The following SIK2 variants were observed in gnomAD, a reference collection of about 807,000 sequenced individuals.
The protein encoded by SIK2 is salt inducible kinase 2.
Under a neutral mutation model 103.2 loss-of-function variants are expected in SIK2, and 29 were observed. The observed-to-expected ratio is 0.28, with a 90% CI of 0.21 to 0.38. SIK2 has a LOEUF of 0.38. Ranked by LOEUF, SIK2 falls within the 10% of genes least tolerant of loss-of-function variation. The pLI, the probability that SIK2 is intolerant of heterozygous loss-of-function variation, is 1.00. For synonymous variants in SIK2, 412 were observed against 446.1 expected, an observed-to-expected ratio of 0.92 and a Z score of 0.96; for missense variants, 879 against 1,171.0, an observed-to-expected ratio of 0.75 and a Z score of 3.64.
intron 2 of SIK2, 27 bp downstream of exon 2, chr11:111,616,386 A>G (rs1346026291): frequency 2.5e-6 from 3 of 1,187,624 alleles, no homozygotes; most frequent in Non-Finnish European, 3.8e-6. Flanking sequence ...CACTATCTCC[A>G]TTCATTCCAC....
intron 3 of SIK2, among the ~76,000 whole-genome samples, chr11:111,675,069 A>G (rs993681749): frequency 6.6e-6 from 1 of 152,228 alleles, no homozygotes; most frequent in Non-Finnish European, 1.5e-5. Context: ...ATAATGTTAC[A>G]TAACAAACAG....
chr11:111,729,827 C>G lies in SIK2; in HGVS notation c.*5698C>G, dbSNP rs905951594. Reference sequence around the variant, plus strand: ...GTGCACTGAACCAGGCTGAGGGAGACAAAAACCCCGCAGACCCGCCTGCCT... The same window carrying G: ...GTGCACTGAACCAGGCTGAGGGAGAGAAAAACCCCGCAGACCCGCCTGCCT... On this transcript the variant is annotated 3_prime_UTR_variant, in exon 15 of 15. Transcript: ENST00000304987. 6.6e-6 allele frequency: 1 copy of G among 152,282 alleles called. No individual in the cohort carries two copies. The highest frequency in any genetic ancestry group is 2.4e-5 in the African/African-American group (1 of 41,474). 9.4% of individuals were successfully genotyped at this position (152,282 alleles called of 1,614,324 possible). A position where few individuals can be genotyped will look rare whatever the true frequency, so the allele number is the denominator to read the frequency against.
intron 9 of SIK2, among the ~76,000 whole-genome samples, chr11:111,714,601 A>G (rs551655291): frequency 5.9e-5 from 9 of 152,202 alleles, no homozygotes; most frequent in Non-Finnish European, 1.2e-4. Context: ...ATAGACTATT[A>G]AGGTCTAGGG....
intron 3 of SIK2, among the ~76,000 whole-genome samples, chr11:111,644,325 GAA>G (rs1942225828): frequency 6.8e-6 from 1 of 147,246 alleles, no homozygotes; most frequent in African/African-American, 2.5e-5. Flanking sequence ...AAAAAGAAAA[GAA>G]AGAGAAATCC....
At chr11:111,631,198 A>T (rs1292934712) in intron 3 of SIK2, among the ~76,000 whole-genome samples, 2 of 152,132 alleles carry the variant, frequency 1.3e-5, no homozygotes, top group Non-Finnish European at 2.9e-5. Context: ...TAGAAGGAAG[A>T]TGAGTTTGTT....
At chr11:111,672,022 G>A (rs576315493) in intron 3 of SIK2, 1 of 519,562 alleles carries the variant, frequency 1.9e-6, no homozygotes, top group South Asian at 1.4e-5. Flanking sequence ...GCTCCACTTG[G>A]TCTCAAGTGC....
At chr11:111,634,607 C>G (rs570565388) in intron 3 of SIK2, among the ~76,000 whole-genome samples, 1 of 152,190 alleles carries the variant, frequency 6.6e-6, no homozygotes, top group South Asian at 2.1e-4. Flanking sequence ...TGCCTCCAGA[C>G]TTGTCCCTCT....
chr11:111,622,884 G>A (rs1941911736), intron 3 of SIK2, among the ~76,000 whole-genome samples: 1 of 152,024 alleles, frequency 6.6e-6, no homozygotes, highest in Non-Finnish European at 1.5e-5. Flanking sequence ...CCTTTGTGTG[G>A]TTTTCTTCAT....
intron 3 of SIK2, among the ~76,000 whole-genome samples, chr11:111,639,459 T>A (rs1942153066): frequency 1.3e-5 from 2 of 152,218 alleles, no homozygotes. Flanking sequence ...AGCCAGGAGA[T>A]CATAAGCCTC....
chr11:111,717,189 G>A (rs1010824077), intron 9 of SIK2, among the ~76,000 whole-genome samples: 4 of 151,926 alleles, frequency 2.6e-5, no homozygotes, highest in East Asian at 3.9e-4. Context: ...GGTGATGGGC[G>A]CCTGTAGTCC....
intron 3 of SIK2, among the ~76,000 whole-genome samples, chr11:111,630,308 T>C (rs1463913339): frequency 6.6e-6 from 1 of 152,108 alleles, no homozygotes; most frequent in Non-Finnish European, 1.5e-5. Flanking sequence ...GAAAGTTGCC[T>C]CCAGGGAGAG....
At chr11:111,716,422 C>T (rs1943643083) in intron 9 of SIK2, among the ~76,000 whole-genome samples, 1 of 151,258 alleles carries the variant, frequency 6.6e-6, no homozygotes, top group Non-Finnish European at 1.5e-5. Flanking sequence ...ACTAAAAATA[C>T]AAAAATTAGC....
intron 3 of SIK2, among the ~76,000 whole-genome samples, chr11:111,642,753 T>C (rs1032310758): frequency 6.6e-6 from 1 of 150,868 alleles, no homozygotes; most frequent in Non-Finnish European, 1.5e-5. Context: ...TAGCAACCAG[T>C]GTCCATCCTG....
chr11:111,702,683 G>A (rs557676235), intron 6 of SIK2, among the ~76,000 whole-genome samples: 1 of 152,340 alleles, frequency 6.6e-6, no homozygotes, highest in South Asian at 2.1e-4. Flanking sequence ...TCAGCTCAGA[G>A]AATATGCTAG....
chr11:111,700,611 T>C (rs1943191119), intron 4 of SIK2, among the ~76,000 whole-genome samples: 1 of 152,230 alleles, frequency 6.6e-6, no homozygotes, highest in South Asian at 2.1e-4. Flanking sequence ...CTGATTTTCT[T>C]TCACATGATA....
Position 111,688,411 on chromosome 11 carries a change from C to T in SIK2, c.478+249C>T, listed in dbSNP as rs1027672960. ...TGTCCAGATTCCATTGGCAGGGTTT[C>T]GGGGTGCTCTGCTGGAAGAGGTACA... On this transcript the variant is annotated intron_variant, in intron 4 of 14. Coordinates refer to ENST00000304987, the MANE Select transcript of SIK2 (RefSeq NM_015191.3). This position sits in a 1 kb window ranked among gnomAD's most constrained non-coding sequence, Gnocchi z 4.2. 3.9e-5 allele frequency among the ~76,000 whole-genome samples: 6 copies of T among 152,104 alleles called. No individual in the cohort carries two copies. The highest frequency in any genetic ancestry group is 9.7e-5 in the African/African-American group (4 of 41,410).
At chr11:111,715,418 T>A (rs7948554) in intron 9 of SIK2, among the ~76,000 whole-genome samples, 146,892 of 152,314 alleles carry the variant, frequency 0.96, 71,073 homozygotes, top group East Asian at 1. Context: ...GATGCTTCAT[T>A]GCTGCATGTA....
chr11:111,707,652 T>C (rs569299465), intron 8 of SIK2, among the ~76,000 whole-genome samples: 1 of 152,326 alleles, frequency 6.6e-6, no homozygotes, highest in South Asian at 2.1e-4. Flanking sequence ...TAGACTTCTG[T>C]TTTTATGGAT....
At chr11:111,653,265 A>G (rs1329951515) in intron 3 of SIK2, among the ~76,000 whole-genome samples, 1 of 152,218 alleles carries the variant, frequency 6.6e-6, no homozygotes, top group African/African-American at 2.4e-5. Flanking sequence ...TTAGTTGGAG[A>G]TTCTTTAGTC....
Sources: gnomAD v4.1 joint callset for allele counts (sites outside exome capture counted in the v4.1 genomes callset) on GRCh38, gnomAD v4.1.1 for gene constraint, Gnocchi (gnomAD v3.1) non-coding constraint, MANE v1.5 for transcripts, NCBI Gene and HGNC (gene_info 2026-07-23, HGNC 2026-07-21) for gene names.